The following P3H2 variants were observed in gnomAD, a reference collection of about 807,000 sequenced individuals.
P3H2 encodes the protein prolyl 3-hydroxylase 2.
P3H2 carries 80 observed loss-of-function variants against 87.0 expected under a neutral mutation model. The observed-to-expected ratio is 0.92, with a 90% CI of 0.77 to 1.11. The LOEUF (loss-of-function observed/expected upper bound fraction) is 1.11, where lower values mean the gene tolerates loss of function less well. Among genes scored for constraint, P3H2 ranks in the 50% least tolerant of loss-of-function variants. The pLI, the probability that P3H2 is intolerant of heterozygous loss-of-function variation, is 0.00. For synonymous variants in P3H2, 367 were observed against 359.3 expected, an observed-to-expected ratio of 1.02 and a Z score of -0.24; for missense variants, 1,001 against 923.9, an observed-to-expected ratio of 1.08 and a Z score of -1.08.
intron 1 of P3H2, among the ~76,000 whole-genome samples, chr3:190,054,581 G>A (rs978737469): frequency 4.6e-5 from 7 of 152,088 alleles, no homozygotes; most frequent in African/African-American, 1.7e-4. Context: ...AGAGATGCCA[G>A]TATCACTCCC....
Position 189,973,027 on chromosome 3 carries a change from G to GAAAAGA in P3H2, c.1549-4_1549-3insTCTTTT, listed in dbSNP as rs561837037. On this transcript the variant is annotated splice_polypyrimidine_tract_variant and splice_region_variant and intron_variant, in intron 10 of 14. Transcript: ENST00000319332. ...GGGACTCGACCTTCATAACCAGACT[G>GAAAAGA]AAAAAAAAAAACAAAACATGAGAAA... The GAAAAGA allele has an allele frequency of 1.6e-6, 2 of 1,287,098 alleles. No individual in the cohort carries two copies. The highest frequency in any genetic ancestry group is 3.2e-5 in the African/African-American group (2 of 62,178). 79.7% of individuals were successfully genotyped at this position (1,287,098 alleles called of 1,614,324 possible). A position where few individuals can be genotyped will look rare whatever the true frequency, so the allele number is the denominator to read the frequency against.
chr3:189,985,339 A>G lies in P3H2; in HGVS notation c.1189-749T>C, dbSNP rs569401162. On this transcript the variant is annotated intron_variant, in intron 6 of 14. Coordinates refer to ENST00000319332, the MANE Select transcript of P3H2 (RefSeq NM_018192.4). The stretch of plus-strand genomic sequence containing the variant: ...ATTCTTGCTGGTCATCAAAAAAATT[A>G]CAAGTTAAAATGATGTATTATTTCA... Among the ~76,000 whole-genome samples, 9 of 151,800 alleles carry G rather than the reference A, an allele frequency of 5.9e-5. No individual in the cohort carries two copies. In the South Asian group the frequency reaches 1.9e-3, roughly 31 times the overall value.
intron 4 of P3H2, 25 bp downstream of exon 4, chr3:189,988,882 T>C: frequency 6.2e-7 from 1 of 1,613,640 alleles, no homozygotes; most frequent in Non-Finnish European, 8.5e-7. Flanking sequence ...CCCCAAGAAG[T>C]CTTCACGGAT....
At position 189,995,699 on chromosome 3, in the gene P3H2, A is replaced by T. The variant is rs1522931; in HGVS notation, c.481-257T>A. On this transcript the variant is annotated intron_variant, in intron 1 of 14. Coordinates refer to ENST00000319332, the MANE Select transcript of P3H2 (RefSeq NM_018192.4). ...GCAAGAAAATACTTGTAAACTATAT[A>T]TCCATATCCAAAAGGGGTTAATATC... Among the ~76,000 whole-genome samples, 70,913 of 151,698 alleles carry T rather than the reference A, an allele frequency of 0.47. 16,606 individuals carry two copies. Among genetic ancestry groups the T allele is most frequent in the Admixed American group, 0.48 (7,329 of 15,248 alleles).
Position 190,028,003 on chromosome 3 carries a change from C to T in P3H2, c.481-32561G>A, listed in dbSNP as rs568694061. On this transcript the variant is annotated intron_variant, in intron 1 of 14. Transcript: ENST00000319332. Reference sequence around the variant, plus strand: ...AAAATAAAGAACCAGGCTTCCACTACCTCCTCTGCTCATATTGTCTCTTGA... The same window carrying T: ...AAAATAAAGAACCAGGCTTCCACTATCTCCTCTGCTCATATTGTCTCTTGA... 2.5e-4 allele frequency among the ~76,000 whole-genome samples: 38 copies of T among 152,068 alleles called. 1 individual carries two copies. Among genetic ancestry groups the T allele is most frequent in the African/African-American group, 9.2e-4 (38 of 41,498 alleles).
rs1553783823 is a variant in P3H2, at chr3:190,120,681, T to TAGCAGCGGCAGCAGC, written c.36_50dup (p.Leu14_Leu18dup). 11 of 1,522,248 alleles carry TAGCAGCGGCAGCAGC rather than the reference T, an allele frequency of 7.2e-6. No homozygotes were observed. The highest frequency in any genetic ancestry group is 4.2e-5 in the African/African-American group (3 of 71,104). The allele number at this position is 1,522,248 out of a possible 1,614,324, so 94.3% of individuals were successfully genotyped here. On this transcript the variant is annotated inframe_insertion, in exon 1 of 15. Transcript: ENST00000319332. ...GGCCGCCCCACAGTGGCGGCGGCAG[T>TAGCAGCGGCAGCAGC]AGCAGCGGCAGCAGCAGCAGCAGCG...
intron 1 of P3H2, among the ~76,000 whole-genome samples, chr3:190,068,277 T>C (rs1278072048): frequency 5.9e-5 from 9 of 152,196 alleles, no homozygotes; most frequent in Non-Finnish European, 7.4e-5. Flanking sequence ...ATAATTAAAA[T>C]GAAAAACAAT....
chr3:190,085,909 C>CTTACA (rs1348904849), intron 1 of P3H2, among the ~76,000 whole-genome samples: 1 of 152,072 alleles, frequency 6.6e-6, no homozygotes, highest in Non-Finnish European at 1.5e-5. Context: ...TGGTCTAATT[C>CTTACA]TTGAATTTTT....
chr3:189,983,539 T>C (rs1723600820), intron 7 of P3H2: 1 of 173,782 alleles, frequency 5.8e-6, no homozygotes, highest in Admixed American at 5.7e-5. Flanking sequence ...CATAATGTAG[T>C]AGTTCTTGAC....
intron 1 of P3H2, among the ~76,000 whole-genome samples, chr3:190,073,336 G>A (rs1253452637): frequency 6.6e-6 from 1 of 152,150 alleles, no homozygotes; most frequent in Admixed American, 6.6e-5. Flanking sequence ...CATTTCTTCA[G>A]TTCCACAGAT....
chr3:189,981,991 A>G (rs956415358), intron 8 of P3H2, among the ~76,000 whole-genome samples: 2 of 152,352 alleles, frequency 1.3e-5, no homozygotes, highest in African/African-American at 2.4e-5. Flanking sequence ...TAGAGAGCCA[A>G]AAGTTTTCAA....
chr3:190,005,684 G>A (rs1724365975), intron 1 of P3H2, among the ~76,000 whole-genome samples: 1 of 152,156 alleles, frequency 6.6e-6, no homozygotes, highest in Admixed American at 6.5e-5. Context: ...TGCTTTTATA[G>A]GAGTGGGAAG....
At chr3:190,071,183 T>G (rs1457011866) in intron 1 of P3H2, among the ~76,000 whole-genome samples, 1 of 152,204 alleles carries the variant, frequency 6.6e-6, no homozygotes, top group African/African-American at 2.4e-5. Flanking sequence ...TACGGTTTGC[T>G]TCAGGCACTC....
intron 1 of P3H2, among the ~76,000 whole-genome samples, chr3:190,026,914 C>T (rs1371940689): frequency 6.6e-6 from 1 of 152,140 alleles, no homozygotes; most frequent in Non-Finnish European, 1.5e-5. Flanking sequence ...TGAATATTTG[C>T]TGGGTGTATG....
rs765809380 is a variant in P3H2 at position 189,995,253 on chromosome 3, G to A, written c.633+37C>T. 3 of 1,609,870 alleles carry A rather than the reference G, an allele frequency of 1.9e-6. No homozygotes were observed. In the Admixed American group the frequency reaches 5.0e-5, roughly 27 times the overall value. On this transcript the variant is annotated intron_variant, in intron 2 of 14. Transcript: ENST00000319332. ...CTCAGATGAAACTTAGGAGCACTTA[G>A]CTCCCTGTGGTGAGGGCAGGGGCCC... is the stretch of plus-strand genomic sequence containing the variant.
At position 189,970,792 on chromosome 3, in the gene P3H2, G is replaced by A. The variant is rs765765701; in HGVS notation, c.1893+24C>T. The A allele has an allele frequency of 7.3e-6, 10 of 1,366,196 alleles. No individual in the cohort carries two copies. The South Asian group carries it at 1.2e-4, about 16-fold the overall frequency. 84.6% of individuals were successfully genotyped at this position (1,366,196 alleles called of 1,614,324 possible). ...TACTGAGCTAAAACATACTAAATAA[G>A]TATTCAAGAATAGGTTTACTTACAG... On this transcript the variant is annotated intron_variant, in intron 13 of 14. Coordinates refer to ENST00000319332, the MANE Select transcript of P3H2 (RefSeq NM_018192.4).
chr3:189,985,947 C>A (rs1361783403), intron 6 of P3H2, among the ~76,000 whole-genome samples: 2 of 152,004 alleles, frequency 1.3e-5, no homozygotes, highest in Non-Finnish European at 2.9e-5. Context: ...CTTATGGTAT[C>A]TTCTTAAAAG....
intron 1 of P3H2, among the ~76,000 whole-genome samples, chr3:190,029,168 G>T (rs1725178536): frequency 1.3e-5 from 2 of 152,204 alleles, no homozygotes; most frequent in Admixed American, 1.3e-4. Flanking sequence ...TGTCCATTGA[G>T]TTTGGAGCTC....
rs770165435 is a variant in P3H2 at position 190,019,780 on chromosome 3, T to TA, written c.481-24339dup. On this transcript the variant is annotated intron_variant, in intron 1 of 14. Coordinates refer to ENST00000319332, the MANE Select transcript of P3H2 (RefSeq NM_018192.4). Reference sequence around the variant, plus strand: ...AATCCATGTGACATTACCTAGAAATTAAAAAATATATATATATATATATAT... The same window carrying TA: ...AATCCATGTGACATTACCTAGAAATTAAAAAAATATATATATATATATATAT... Among the ~76,000 whole-genome samples, 159 of 57,214 alleles carry TA rather than the reference T, an allele frequency of 2.8e-3. 17 individuals carry two copies. Among genetic ancestry groups the TA allele is most frequent in the East Asian group, 8.3e-3 (15 of 1,804 alleles). 37.5% of individuals were successfully genotyped at this position (57,214 alleles called of 152,430 possible).
Sources: allele counts gnomAD v4.1 joint callset (sites outside exome capture counted in the v4.1 genomes callset), GRCh38; gene constraint gnomAD v4.1.1; transcripts MANE v1.5; gene names NCBI Gene and HGNC (gene_info 2026-07-23, HGNC 2026-07-21).